Variants in PWWP2A observed in about 807,000 individuals in gnomAD.
PWWP2A encodes the protein PWWP domain-containing protein 2A.
In PWWP2A, 18 loss-of-function variants were observed where a neutral mutation model predicts 48.5. The ratio of observed to expected loss-of-function variants is 0.37; its 90% CI spans 0.26 to 0.55. The LOEUF (loss-of-function observed/expected upper bound fraction) is 0.55, where lower values mean the gene tolerates loss of function less well. Ranked by LOEUF, PWWP2A falls within the 20% of genes least tolerant of loss-of-function variation. The pLI, the probability that PWWP2A is intolerant of heterozygous loss-of-function variation, is 0.81. For missense variants in PWWP2A, 867 were observed against 976.4 expected, an observed-to-expected ratio of 0.89 and a Z score of 1.49; for synonymous variants, 396 against 387.7, an observed-to-expected ratio of 1.02 and a Z score of -0.25.
the PWWP2A span, among the ~76,000 whole-genome samples, chr5:160,050,892 CTGGGAATA>C: frequency 1.3e-5 from 2 of 152,084 alleles, no homozygotes; most frequent in East Asian, 3.9e-4. Context: ...TCCAAAAGTG[CTGGGAATA>C]TGGGCAGGAG....
chr5:160,106,751 G>A (rs987622653), intron 1 of PWWP2A, among the ~76,000 whole-genome samples: 1 of 151,330 alleles, frequency 6.6e-6, no homozygotes, highest in African/African-American at 2.4e-5. Flanking sequence ...TCAGCCACCC[G>A]AGTTGCCCAT....
chr5:160,045,509 CACACA>C, the PWWP2A span, among the ~76,000 whole-genome samples: 35 of 76,104 alleles, frequency 4.6e-4, no homozygotes, highest in South Asian at 2.3e-3. Context: ...CACACACACA[CACACA>C]TACACACTCT....
At chr5:160,090,801 C>T, downstream of PWWP2A, 1 of 979,590 alleles carries the variant, frequency 1.0e-6, no homozygotes. Context: ...AAAGTTAAGA[C>T]ACAAAGTATG....
chr5:160,072,950 G>A (rs1314808772), downstream of PWWP2A, among the ~76,000 whole-genome samples: 1 of 142,598 alleles, frequency 7.0e-6, no homozygotes, highest in Non-Finnish European at 1.5e-5. Context: ...GTTGCAGTGT[G>A]CCGAGATTGC....
At chr5:160,109,821 T>TAA (rs1237838799) in intron 1 of PWWP2A, among the ~76,000 whole-genome samples, 8 of 86,760 alleles carry the variant, frequency 9.2e-5, no homozygotes, top group East Asian at 3.3e-4. Flanking sequence ...AATAATATAA[T>TAA]AATATATATA....
At chr5:160,089,957 T>G, downstream of PWWP2A, 1 of 984,822 alleles carries the variant, frequency 1.0e-6, no homozygotes, top group Non-Finnish European at 1.2e-6. Context: ...GGAATAAAAG[T>G]TTTTAATATT....
In PWWP2A at chr5:160,092,855, T is replaced by G; in HGVS notation, c.1795A>C (p.Ser599Arg). 1 of 1,551,722 alleles carries G rather than the reference T, an allele frequency of 6.4e-7. No individual in the cohort carries two copies. Among genetic ancestry groups the G allele is most frequent in the Non-Finnish European group, 8.7e-7 (1 of 1,146,988 alleles). ...GGAAAATCAAAGCTTTCAGAAGAAC[T>G]ACACTCAGAGTTGGAAGATTTCAAA... Reference protein sequence around the residue: ...DDLKSSNSECSSSESFDFPPG... With the variant: ...DDLKSSNSECRSSESFDFPPG... The change falls in exon 2 of 2, where the codon AGT becomes CGT. Residue 599 changes from serine to arginine, a missense_variant. Ser to Arg is a moderately radical substitution (Grantham distance 110). Around this residue, in one of 4 missense-constraint regions of PWWP2A, gnomAD observed 382 missense variants for 407.2 expected, o/e 0.94. Transcript: ENST00000307063.
At chr5:160,091,223 A>T (rs1169360408), downstream of PWWP2A, 1 of 970,626 alleles carries the variant, frequency 1.0e-6, no homozygotes. Context: ...ATTCCCTGAT[A>T]GGGCAAATAG....
intron 1 of PWWP2A, chr5:160,116,754 G>A: frequency 1.0e-6 from 1 of 985,262 alleles, no homozygotes; most frequent in Non-Finnish European, 1.2e-6. Flanking sequence ...CATCTCTTCT[G>A]TTTCATTCAA....
chr5:160,068,187 TAAA>T (rs1753660736), intron 2 of PWWP2A, among the ~76,000 whole-genome samples: 1 of 151,846 alleles, frequency 6.6e-6, no homozygotes, highest in South Asian at 2.1e-4. Flanking sequence ...TCTCAAAAAA[TAAA>T]AAGTTCTGTG....
rs762872282 is a variant in PWWP2A at position 160,092,379 on chromosome 5, T to C, written c.*3A>G. The C allele has an allele frequency of 2.5e-4, 386 of 1,533,254 alleles. 1 individual carries two copies. The highest frequency in any genetic ancestry group is 1.8e-4 in the Non-Finnish European group (203 of 1,139,398). The allele number at this position is 1,533,254 out of a possible 1,614,324, so 95.0% of individuals were successfully genotyped here. A position where few individuals can be genotyped will look rare whatever the true frequency, so the allele number is the denominator to read the frequency against. Reference sequence around the variant, plus strand: ...ATGGTCTTGCCTACCTTACTGCCCATGTTCACGTTTCAAACTGTGTCAACA... The same window carrying C: ...ATGGTCTTGCCTACCTTACTGCCCACGTTCACGTTTCAAACTGTGTCAACA... On this transcript the variant is annotated 3_prime_UTR_variant, in exon 2 of 2. Coordinates refer to ENST00000307063, the MANE Select transcript of PWWP2A (RefSeq NM_001130864.2).
At chr5:160,074,486 G>A (rs1310787626), downstream of PWWP2A, among the ~76,000 whole-genome samples, 1 of 149,594 alleles carries the variant, frequency 6.7e-6, no homozygotes, top group African/African-American at 2.5e-5. Context: ...AGTTGTTCAC[G>A]CTGTAATCCC....
chr5:160,087,600 A>C (rs1429655753), downstream of PWWP2A, among the ~76,000 whole-genome samples: 1 of 152,216 alleles, frequency 6.6e-6, no homozygotes, highest in African/African-American at 2.4e-5. Flanking sequence ...ATTTCTATCA[A>C]AACTAAATTA....
intron 1 of PWWP2A, 92 bp downstream of exon 1, chr5:160,118,713 G>C: frequency 8.1e-7 from 1 of 1,239,228 alleles, no homozygotes; most frequent in Non-Finnish European, 1.0e-6. Flanking sequence ...CGGGCAGCGG[G>C]GAAGCGAGGG....
chr5:160,062,925 T>C (rs540204097), intron 5 of PWWP2A, among the ~76,000 whole-genome samples: 27 of 152,268 alleles, frequency 1.8e-4, no homozygotes, highest in African/African-American at 6.3e-4. Flanking sequence ...TCTTGCTTGT[T>C]GTGAGCCCCT....
In PWWP2A at chr5:160,096,831, T is replaced by C. The variant is rs75440880; in HGVS notation, c.585-2766A>G. ...ATTAGGACTAACTAAACCATACTTA[T>C]CTTAATGTTTGAGGTGAAGTTTCAC... On this transcript the variant is annotated intron_variant, in intron 1 of 1. Transcript: ENST00000307063. 2.7e-3 allele frequency among the ~76,000 whole-genome samples: 406 copies of C among 152,306 alleles called. 2 individuals carry two copies. Among genetic ancestry groups the C allele is most frequent in the African/African-American group, 9.2e-3 (381 of 41,554 alleles).
rs1166683245 is a variant in PWWP2A at position 160,109,771 on chromosome 5, AAAAATATATATAT to A, written c.584+9021_584+9033del. On this transcript the variant is annotated intron_variant, in intron 1 of 1. Coordinates refer to ENST00000307063, the MANE Select transcript of PWWP2A (RefSeq NM_001130864.2). ...GATGCAACTGGGAAAAAAAAAAAAA[AAAAATATATATAT>A]ATATATATATATATATATATATATA... is the stretch of plus-strand genomic sequence containing the variant. Among the ~76,000 whole-genome samples, 400 of 44,944 alleles carry A rather than the reference AAAAATATATATAT, an allele frequency of 8.9e-3. 4 individuals carry two copies. The highest frequency in any genetic ancestry group is 0.031 in the African/African-American group (349 of 11,326). The allele number at this position is 44,944 out of a possible 152,430, so 29.5% of individuals were successfully genotyped here. A position where few individuals can be genotyped will look rare whatever the true frequency, so the allele number is the denominator to read the frequency against.
At chr5:160,045,402 T>C in the PWWP2A span, among the ~76,000 whole-genome samples, 1,041 of 151,278 alleles carry the variant, frequency 6.9e-3, 19 homozygotes, top group East Asian at 0.063. Flanking sequence ...GCAAATTACA[T>C]TTATATCAAT....
the PWWP2A span, among the ~76,000 whole-genome samples, chr5:160,048,082 G>A: frequency 7.5e-6 from 1 of 133,880 alleles, no homozygotes; most frequent in African/African-American, 2.8e-5. Flanking sequence ...AAAAATTAAG[G>A]ATAGATTATG....
Sources: gnomAD v4.1 joint callset for allele counts (sites outside exome capture counted in the v4.1 genomes callset) on GRCh38, gnomAD v4.1.1 for gene constraint, gnomAD v4.1.1 regional missense constraint, MANE v1.5 for transcripts, NCBI Gene and HGNC (gene_info 2026-07-23, HGNC 2026-07-21) for gene names.